DCAF1: variants seen among roughly 807,000 people sequenced by gnomAD.
DCAF1 encodes the protein DDB1 and CUL4 associated factor 1, also known as DDB1- and CUL4-associated factor 1.
Under a neutral mutation model 128.0 loss-of-function variants are expected in DCAF1, and 15 were observed. The observed-to-expected ratio is 0.12, with a 90% CI of 0.08 to 0.18. The LOEUF (loss-of-function observed/expected upper bound fraction) is 0.18. Ranked by LOEUF, DCAF1 falls within the 10% of genes least tolerant of loss-of-function variation. The pLI, the probability that DCAF1 is intolerant of heterozygous loss-of-function variation, is 1.00. For synonymous variants in DCAF1, 610 were observed against 603.0 expected (o/e 1.01, Z -0.17); for missense variants, 988 against 1,649.5 (o/e 0.60, Z 6.95).
chr3:51,411,828 G>C (rs889417895), intron 23 of DCAF1, among the ~76,000 whole-genome samples: 1 of 152,114 alleles, frequency 6.6e-6, no homozygotes, highest in Non-Finnish European at 1.5e-5. Flanking sequence ...GAGATTGCCA[G>C]GATGAGTGCG....
At chr3:51,422,155 T>C (rs1183460041) in intron 14 of DCAF1, among the ~76,000 whole-genome samples, 152 bp downstream of exon 14, 1 of 152,120 alleles carries the variant, frequency 6.6e-6, no homozygotes, top group Non-Finnish European at 1.5e-5. Context: ...ATCTGCTGAA[T>C]GGTACTCCTT....
At chr3:51,451,010 A>G (rs1344291662) in intron 6 of DCAF1, among the ~76,000 whole-genome samples, 3 of 151,426 alleles carry the variant, frequency 2.0e-5, no homozygotes, top group Non-Finnish European at 4.4e-5. Flanking sequence ...TACAAAATCA[A>G]CATACAAAAA....
At chr3:51,435,285 G>A (rs1700707020) in intron 9 of DCAF1, among the ~76,000 whole-genome samples, 1 of 152,082 alleles carries the variant, frequency 6.6e-6, no homozygotes, top group South Asian at 2.1e-4. Context: ...AATTGCAACT[G>A]AAAGCAATAT....
chr3:51,487,229 T>TA (rs1707083095), intron 2 of DCAF1, among the ~76,000 whole-genome samples: 1 of 150,734 alleles, frequency 6.6e-6, no homozygotes, highest in African/African-American at 2.4e-5. Context: ...CTCAGCTTCC[T>TA]AAAGTGCTGG....
intron 6 of DCAF1, 113 bp from the exon 7 acceptor site, chr3:51,444,016 G>A: frequency 9.6e-7 from 1 of 1,037,984 alleles, no homozygotes; most frequent in African/African-American, 1.6e-5. Flanking sequence ...ATGTTCGTAA[G>A]AGTAAAAAAA....
At chr3:51,471,845 G>A (rs567069074) in intron 3 of DCAF1, among the ~76,000 whole-genome samples, 19 of 151,918 alleles carry the variant, frequency 1.3e-4, no homozygotes, top group African/African-American at 4.6e-4. Flanking sequence ...CTCCAGCCCG[G>A]GCAACAAGAG....
At chr3:51,488,641 A>G (rs1281677733) in intron 2 of DCAF1, among the ~76,000 whole-genome samples, 4 of 152,190 alleles carry the variant, frequency 2.6e-5, no homozygotes, top group African/African-American at 9.6e-5. Context: ...CGTCTCTACT[A>G]AAAACACAAA....
chr3:51,447,453 CATTTTTGGAA>C (rs1701988848), intron 6 of DCAF1, among the ~76,000 whole-genome samples: 1 of 151,990 alleles, frequency 6.6e-6, no homozygotes, highest in Non-Finnish European at 1.5e-5. Context: ...CTGAAGAACA[CATTTTTGGAA>C]ATTTTGTTGT....
intron 23 of DCAF1, among the ~76,000 whole-genome samples, chr3:51,407,151 T>A: frequency 9.9e-6 from 1 of 100,884 alleles, no homozygotes; most frequent in African/African-American, 4.1e-5. Flanking sequence ...AGAGTGAGAC[T>A]CCATCTCAAA....
chr3:51,435,636 G>A (rs994990133), intron 9 of DCAF1, among the ~76,000 whole-genome samples: 13 of 151,740 alleles, frequency 8.6e-5, no homozygotes, highest in East Asian at 1.9e-4. Flanking sequence ...ACTTGAACCC[G>A]GGAGGCCAGG....
At chr3:51,459,498 T>C (rs530887686) in intron 6 of DCAF1, among the ~76,000 whole-genome samples, 1 of 152,298 alleles carries the variant, frequency 6.6e-6, no homozygotes, top group African/African-American at 2.4e-5. Context: ...GCTGGTACCA[T>C]TCCTTCTGAA....
In DCAF1 at chr3:51,398,539, G is replaced by A. The variant is rs1283871447; in HGVS notation, c.*230C>T. The A allele has an allele frequency of 1.0e-5, 5 of 500,564 alleles. No homozygotes were observed. The highest frequency in any genetic ancestry group is 7.9e-5 in the African/African-American group (4 of 50,450). 31.0% of individuals were successfully genotyped at this position (500,564 alleles called of 1,614,324 possible). A position where few individuals can be genotyped will look rare whatever the true frequency, so the allele number is the denominator to read the frequency against. ...CTAGGAAATGGTGGGGGGTGGATGT[G>A]GGGGGTGCAGAGTAGGGCCTAGTCC... On this transcript the variant is annotated 3_prime_UTR_variant, in exon 25 of 25. Coordinates refer to ENST00000684031, the MANE Select transcript of DCAF1 (RefSeq NM_001387579.1).
chr3:51,417,109 A>G (rs576287123), intron 17 of DCAF1, among the ~76,000 whole-genome samples: 1 of 152,310 alleles, frequency 6.6e-6, no homozygotes, highest in East Asian at 1.9e-4. Context: ...AACAGGGCAC[A>G]TGTGCCTTTG....
chr3:51,440,963 A>G lies in DCAF1; in HGVS notation c.1128+7T>C, dbSNP rs1480297187. 2 of 1,604,584 alleles carry G rather than the reference A, an allele frequency of 1.2e-6. No individual in the cohort carries two copies. The highest frequency in any genetic ancestry group is 3.4e-5 in the Admixed American group (2 of 58,160). Reference sequence around the variant, plus strand: ...CCCCGGTGACCCAATATTTTTAAGAACTTTACCTTTAGTGCCTCAAATGTA... The same window carrying G: ...CCCCGGTGACCCAATATTTTTAAGAGCTTTACCTTTAGTGCCTCAAATGTA... On this transcript the variant is annotated splice_region_variant and intron_variant, in intron 9 of 24. Transcript: ENST00000684031.
intron 6 of DCAF1, among the ~76,000 whole-genome samples, chr3:51,449,489 G>T (rs1702159630): frequency 6.6e-6 from 1 of 152,196 alleles, no homozygotes; most frequent in African/African-American, 2.4e-5. Flanking sequence ...TTACAGGCGT[G>T]AGCCACTGTG....
intron 20 of DCAF1, 35 bp from the exon 21 acceptor site, chr3:51,413,421 A>G (rs1235421156): frequency 3.8e-6 from 6 of 1,590,804 alleles, no homozygotes; most frequent in Non-Finnish European, 4.3e-6. Context: ...CACTATTAGG[A>G]ATCACAAACA....
intron 24 of DCAF1, 77 bp downstream of exon 24, chr3:51,403,066 T>C: frequency 4.3e-5 from 64 of 1,501,650 alleles, no homozygotes; most frequent in Admixed American, 2.7e-4. Flanking sequence ...TGGCTTGCCC[T>C]CTAAGTTGTA....
chr3:51,447,506 C>G (rs190749515), intron 6 of DCAF1, among the ~76,000 whole-genome samples: 1 of 152,136 alleles, frequency 6.6e-6, no homozygotes. Flanking sequence ...ATATTTACCA[C>G]GTATTTTCAG....
At chr3:51,441,251 T>G in intron 8 of DCAF1, 134 bp downstream of exon 8, 1 of 1,277,540 alleles carries the variant, frequency 7.8e-7, no homozygotes, top group East Asian at 2.5e-5. Context: ...TGCATAAGAC[T>G]TGAACAGTTT....
Sources: gnomAD v4.1 joint callset for allele counts (sites outside exome capture counted in the v4.1 genomes callset) on GRCh38, gnomAD v4.1.1 for gene constraint, MANE v1.5 for transcripts, NCBI Gene and HGNC (gene_info 2026-07-23, HGNC 2026-07-21) for gene names.